The following RGPD2 variants were observed in gnomAD, a reference collection of about 807,000 sequenced individuals.
The protein encoded by RGPD2 is RANBP2 like and GRIP domain containing 2.
In RGPD2, 2 loss-of-function variants were observed where a neutral mutation model predicts 36.0. The ratio of observed to expected loss-of-function variants is 0.06; its 90% CI spans 0.02 to 0.17. The LOEUF is 0.17. Ranked by LOEUF, RGPD2 falls within the 10% of genes least tolerant of loss-of-function variation. RGPD2 has a pLI of 1.00. For synonymous variants in RGPD2, 19 were observed against 163.8 expected, an observed-to-expected ratio of 0.12 and a Z score of 6.75; for missense variants, 40 against 464.3, an observed-to-expected ratio of 0.09 and a Z score of 8.40.
intron 22 of RGPD2, among the ~76,000 whole-genome samples, chr2:87,769,225 C>T (rs1685040409): frequency 7.0e-6 from 1 of 142,272 alleles, no homozygotes. Context: ...TCCTCAGCCT[C>T]CCAAAGTGCT....
chr2:87,915,361 A>ATATATATATATATTATATATATTG, the RGPD2 span, among the ~76,000 whole-genome samples: 1 of 90,736 alleles, frequency 1.1e-5, no homozygotes, highest in African/African-American at 4.0e-5. Context: ...TATATATTAT[A>ATATATATATATATTATATATATTG]TATATATGTA....
the RGPD2 span, among the ~76,000 whole-genome samples, chr2:87,857,550 G>T: frequency 6.6e-6 from 1 of 150,596 alleles, no homozygotes; most frequent in African/African-American, 2.4e-5. Flanking sequence ...CACCGTGTTA[G>T]CCAGGATGGT....
the RGPD2 span, among the ~76,000 whole-genome samples, chr2:87,879,498 C>T: frequency 1.5e-5 from 2 of 130,044 alleles, no homozygotes; most frequent in African/African-American, 6.0e-5. Context: ...GGTAAATGTC[C>T]TCCTACTCTC....
chr2:87,861,430 G>A, the RGPD2 span, among the ~76,000 whole-genome samples: 1 of 151,802 alleles, frequency 6.6e-6, no homozygotes, highest in African/African-American at 2.4e-5. Context: ...TTAATGTTTG[G>A]AACATTTACT....
the RGPD2 span, among the ~76,000 whole-genome samples, chr2:87,886,599 AC>A: frequency 4.6e-5 from 7 of 151,254 alleles, 1 homozygote; most frequent in South Asian, 1.5e-3. Context: ...TGATGGAACC[AC>A]CCTGTTACAC....
the RGPD2 span, among the ~76,000 whole-genome samples, chr2:87,986,159 A>T: frequency 1.6e-5 from 2 of 124,576 alleles, no homozygotes; most frequent in African/African-American, 2.9e-5. Context: ...TTTTTGAGAG[A>T]GTGTCTCGCT....
At chr2:87,915,327 A>C in the RGPD2 span, among the ~76,000 whole-genome samples, 1 of 112,736 alleles carries the variant, frequency 8.9e-6, no homozygotes, top group African/African-American at 4.0e-5. Context: ...TATATTATAT[A>C]TATTGTATAT....
intron 6 of RGPD2, among the ~76,000 whole-genome samples, chr2:87,807,555 CT>C: frequency 1.4e-5 from 2 of 139,656 alleles, no homozygotes; most frequent in African/African-American, 2.7e-5. Flanking sequence ...CCCCGCTAAA[CT>C]TTTTTTATAT....
At chr2:87,827,391 T>C (rs1208912968), upstream of RGPD2, among the ~76,000 whole-genome samples, 7 of 151,770 alleles carry the variant, frequency 4.6e-5, no homozygotes, top group African/African-American at 1.4e-4. Context: ...GGGTTCAAAT[T>C]CCAACTTTCT....
At chr2:87,922,198 C>T in the RGPD2 span, among the ~76,000 whole-genome samples, 1 of 139,606 alleles carries the variant, frequency 7.2e-6, no homozygotes, top group South Asian at 2.2e-4. Flanking sequence ...GAGGCTGAGG[C>T]AGAAGAATTG....
chr2:87,930,994 T>G, the RGPD2 span, among the ~76,000 whole-genome samples: 3 of 77,080 alleles, frequency 3.9e-5, no homozygotes, highest in African/African-American at 1.6e-4. Flanking sequence ...TATCTATCTA[T>G]TTCATTAATT....
At chr2:87,943,864 G>T in the RGPD2 span, among the ~76,000 whole-genome samples, 1 of 152,018 alleles carries the variant, frequency 6.6e-6, no homozygotes, top group African/African-American at 2.4e-5. Flanking sequence ...CGTTGGTTGA[G>T]TAAGTTGTTC....
At chr2:87,845,645 G>A in the RGPD2 span, among the ~76,000 whole-genome samples, 3 of 150,590 alleles carry the variant, frequency 2.0e-5, no homozygotes, top group African/African-American at 7.3e-5. Flanking sequence ...AACTAGCTTA[G>A]CAAAATATAA....
At chr2:87,943,618 T>G in the RGPD2 span, among the ~76,000 whole-genome samples, 1 of 152,018 alleles carries the variant, frequency 6.6e-6, no homozygotes, top group Non-Finnish European at 1.5e-5. Context: ...TTGTTTCTTT[T>G]GCTGTGCAGA....
chr2:87,767,004 AATCT>A, intron 22 of RGPD2: 1 of 151,002 alleles, frequency 6.6e-6, no homozygotes, highest in East Asian at 1.9e-4. Context: ...AATCTCTTGT[AATCT>A]ATCATTTTTG....
the RGPD2 span, among the ~76,000 whole-genome samples, chr2:87,844,774 T>A: frequency 1.3e-5 from 2 of 150,422 alleles, no homozygotes; most frequent in Non-Finnish European, 3.0e-5. Context: ...AATTTCATTG[T>A]TTCTTCAAAT....
the RGPD2 span, among the ~76,000 whole-genome samples, chr2:87,947,466 G>A: frequency 1.3e-5 from 2 of 152,294 alleles, no homozygotes; most frequent in East Asian, 1.9e-4. Flanking sequence ...TTCGGTCCTG[G>A]ATGGATAATA....
At chr2:87,825,603 TCGAGGCCGCCGCCCGGCCAGG>T in intron 1 of RGPD2, 34 bp downstream of exon 1, 1 of 1,365,870 alleles carries the variant, frequency 7.3e-7, no homozygotes, top group Non-Finnish European at 9.7e-7. Flanking sequence ...CCCGGCCAGG[TCGAGGCCGCCGCCCGGCCAGG>T]TCGAGGCCGT....
chr2:87,973,814 G>T, the RGPD2 span, among the ~76,000 whole-genome samples: 1 of 149,508 alleles, frequency 6.7e-6, no homozygotes, highest in Non-Finnish European at 1.5e-5. Context: ...CTGTAGAAAG[G>T]GCGCCTAATA....
Sources: gnomAD v4.1 joint callset for allele counts (sites outside exome capture counted in the v4.1 genomes callset) on GRCh38, gnomAD v4.1.1 for gene constraint, MANE v1.5 for transcripts, NCBI Gene and HGNC (gene_info 2026-07-23, HGNC 2026-07-21) for gene names.